SAXO3: variants seen among roughly 807,000 people sequenced by gnomAD.
The protein encoded by SAXO3 is stabilizer of axonemal microtubules 3, also known as CTB-60B18.10.
At chr19:49,020,002 C>T in the SAXO3 span, 3 of 1,495,208 alleles carry the variant, frequency 2.0e-6, no homozygotes, top group Admixed American at 4.8e-5. Flanking sequence ...GGGTCTTGGG[C>T]ACGTAGGCCG....
At chr19:49,018,748 T>C in the SAXO3 span, 2 of 831,962 alleles carry the variant, frequency 2.4e-6, no homozygotes, top group Admixed American at 2.6e-5. Context: ...CTTTGGTTCT[T>C]GCTGCTACAG....
the SAXO3 span, chr19:49,020,194 G>T: frequency 5.6e-5 from 28 of 501,654 alleles, no homozygotes; most frequent in South Asian, 8.0e-4. Flanking sequence ...CTTCCAGTCG[G>T]CCCCCAGCCC....
the SAXO3 span, chr19:49,018,878 A>G: frequency 6.5e-6 from 10 of 1,533,814 alleles, no homozygotes; most frequent in Non-Finnish European, 8.7e-6. Flanking sequence ...CTTACTTGGG[A>G]TAGAACCGAA....
the SAXO3 span, chr19:49,019,147 C>T: frequency 1.6e-3 from 2,276 of 1,413,336 alleles, 5 homozygotes; most frequent in Non-Finnish European, 1.8e-3. Context: ...GGGTTAGAGC[C>T]CTTCCTGCCA....
At chr19:49,019,532 C>A in the SAXO3 span, 7,211 of 1,168,150 alleles carry the variant, frequency 6.2e-3, 39 homozygotes, top group Non-Finnish European at 7.0e-3. Flanking sequence ...CCTCTAACCT[C>A]GCGATCCCGC....
chr19:49,018,219 G>C, the SAXO3 span: 35 of 606,430 alleles, frequency 5.8e-5, no homozygotes, highest in African/African-American at 5.7e-4. Context: ...CGCGGTGGTC[G>C]GGGCGGCCGG....
the SAXO3 span, chr19:49,018,743 G>T: frequency 1.2e-6 from 1 of 806,156 alleles, no homozygotes; most frequent in Non-Finnish European, 1.9e-6. Flanking sequence ...CTGAACTTTG[G>T]TTCTTGCTGC....
chr19:49,018,379 T>C, the SAXO3 span: 1 of 1,186,344 alleles, frequency 8.4e-7, no homozygotes, highest in Non-Finnish European at 1.1e-6. Context: ...TACAGCTGGA[T>C]CCTTGGGGAC....
the SAXO3 span, chr19:49,020,166 C>G: frequency 3.5e-5 from 19 of 542,658 alleles, no homozygotes; most frequent in African/African-American, 1.8e-4. Flanking sequence ...TATCACCCCC[C>G]ACCCCAAACT....
the SAXO3 span, chr19:49,019,517 C>A: frequency 1.7e-6 from 2 of 1,176,558 alleles, no homozygotes; most frequent in Non-Finnish European, 2.2e-6. Context: ...GCCCCTCCCC[C>A]GGCTCCTCTA....
the SAXO3 span, chr19:49,019,608 T>C: frequency 3.2e-6 from 4 of 1,253,248 alleles, no homozygotes; most frequent in East Asian, 9.4e-5. Flanking sequence ...CTCCCGGAGC[T>C]CCGCCCCGTC....
At chr19:49,019,859 G>T in the SAXO3 span, 3 of 1,285,266 alleles carry the variant, frequency 2.3e-6, no homozygotes, top group Non-Finnish European at 3.1e-6. Context: ...GGACTCAAAT[G>T]CAGTCCCCCG....
the SAXO3 span, chr19:49,019,940 C>T: frequency 1.3e-6 from 2 of 1,497,332 alleles, no homozygotes; most frequent in Non-Finnish European, 1.8e-6. Flanking sequence ...CCCCACAGTC[C>T]GCGTGGGGTC....
the SAXO3 span, chr19:49,019,845 C>A: frequency 1.5e-5 from 19 of 1,282,284 alleles, no homozygotes; most frequent in East Asian, 5.1e-4. Context: ...CGTGAAGGAG[C>A]AGGGGACTCA....
the SAXO3 span, chr19:49,019,537 T>C: frequency 8.7e-7 from 1 of 1,153,336 alleles, no homozygotes; most frequent in Non-Finnish European, 1.1e-6. Flanking sequence ...AACCTCGCGA[T>C]CCCGCCCCAG....
At chr19:49,018,526 A>G in the SAXO3 span, among the ~76,000 whole-genome samples, 184 of 152,094 alleles carry the variant, frequency 1.2e-3, no homozygotes, top group African/African-American at 4.3e-3. Context: ...CGTCCTGGAA[A>G]CTGAGCTTTC....
At chr19:49,019,535 G>T in the SAXO3 span, 3 of 1,161,902 alleles carry the variant, frequency 2.6e-6, no homozygotes, top group South Asian at 3.6e-5. Flanking sequence ...CTAACCTCGC[G>T]ATCCCGCCCC....
chr19:49,019,234 T>C, the SAXO3 span: 5 of 1,352,582 alleles, frequency 3.7e-6, no homozygotes, highest in African/African-American at 1.5e-5. Context: ...CCAAGCACCT[T>C]CTGCTGTTCA....
the SAXO3 span, chr19:49,019,405 G>C: frequency 8.0e-7 from 1 of 1,257,072 alleles, no homozygotes; most frequent in Admixed American, 3.9e-5. Context: ...GAATATTCTA[G>C]TCTCCTCCCC....
Sources: gnomAD v4.1 joint callset for allele counts (sites outside exome capture counted in the v4.1 genomes callset) on GRCh38, gnomAD v4.1.1 for gene constraint, MANE v1.5 for transcripts, NCBI Gene and HGNC (gene_info 2026-07-23, HGNC 2026-07-21) for gene names.